The following NPAS3 variants were observed in gnomAD, a reference collection of about 807,000 sequenced individuals.
NPAS3 encodes neuronal PAS domain protein 3, also known as neuronal PAS domain-containing protein 3.
NPAS3 carries 14 observed loss-of-function variants against 73.1 expected under a neutral mutation model. The ratio of observed to expected loss-of-function variants is 0.19; its 90% CI spans 0.13 to 0.30. The LOEUF (loss-of-function observed/expected upper bound fraction) is 0.30, where lower values mean the gene tolerates loss of function less well. Among genes scored for constraint, NPAS3 ranks in the 10% least tolerant of loss-of-function variants. NPAS3 has a pLI of 1.00. For synonymous variants in NPAS3, 620 were observed against 541.5 expected (o/e 1.14, Z -2.01); for missense variants, 1,096 against 1,250.0 (o/e 0.88, Z 1.86).
Position 33,208,507 on chromosome 14 carries a change from A to G in NPAS3, c.141-6675A>G, listed in dbSNP as rs918519105. On this transcript the variant is annotated intron_variant, in intron 2 of 11. Transcript: ENST00000356141. ...TTTTGATCTATTTTACCACAAGTCA[A>G]ATGGGTCAGGATTATCCCATCAGAG... Among the ~76,000 whole-genome samples the G allele has an allele frequency of 1.4e-4, 21 of 152,202 alleles. 1 individual carries two copies. Among genetic ancestry groups the G allele is most frequent in the African/African-American group, 2.4e-5 (1 of 41,458 alleles).
At chr14:33,773,144 G>A (rs779636502) in intron 7 of NPAS3, among the ~76,000 whole-genome samples, 28 of 152,166 alleles carry the variant, frequency 1.8e-4, no homozygotes, top group Non-Finnish European at 3.4e-4. Flanking sequence ...GAGAGCAGAC[G>A]CGAGATCATA....
At chr14:33,230,942 T>C (rs2047828146) in intron 3 of NPAS3, among the ~76,000 whole-genome samples, 1 of 152,186 alleles carries the variant, frequency 6.6e-6, no homozygotes, top group African/African-American at 2.4e-5. Flanking sequence ...CAAACCGTGA[T>C]TGTGGGAAGT....
At chr14:33,029,458 G>A (rs186179253) in intron 1 of NPAS3, among the ~76,000 whole-genome samples, 8 of 152,220 alleles carry the variant, frequency 5.3e-5, no homozygotes, top group Non-Finnish European at 1.0e-4. Flanking sequence ...GAGAGCTCTT[G>A]AATCTCCAAA....
intron 9 of NPAS3, 126 bp downstream of exon 9, chr14:33,778,698 A>G (rs1322814803): frequency 7.8e-6 from 5 of 637,740 alleles, no homozygotes; most frequent in Admixed American, 5.1e-5. Flanking sequence ...GTCAGTGTGC[A>G]GTGAGAAAAA....
At chr14:33,157,293 A>T (rs140158041) in intron 2 of NPAS3, among the ~76,000 whole-genome samples, 2 of 152,356 alleles carry the variant, frequency 1.3e-5, no homozygotes, top group East Asian at 3.9e-4. Context: ...CTAAACACAG[A>T]ACTCTTCTTT....
chr14:33,750,948 G>T (rs150962718), intron 7 of NPAS3, among the ~76,000 whole-genome samples: 13 of 152,296 alleles, frequency 8.5e-5, no homozygotes, highest in African/African-American at 3.1e-4. Flanking sequence ...GCTCTTAAGG[G>T]ATAGGCTCAC....
chr14:33,470,004 A>G (rs78981209), intron 4 of NPAS3, among the ~76,000 whole-genome samples: 3,746 of 152,224 alleles, frequency 0.025, 78 homozygotes, highest in Middle Eastern at 0.061. Context: ...ACACTCCAAC[A>G]TATTTCTGCT....
intron 2 of NPAS3, among the ~76,000 whole-genome samples, chr14:33,158,438 G>A (rs764611535): frequency 6.6e-6 from 1 of 152,086 alleles, no homozygotes; most frequent in Non-Finnish European, 1.5e-5. Context: ...GAACATGAGC[G>A]ATTATGTCCC....
At chr14:33,711,226 A>C (rs1285573806) in intron 6 of NPAS3, among the ~76,000 whole-genome samples, 5 of 152,236 alleles carry the variant, frequency 3.3e-5, no homozygotes, top group African/African-American at 1.2e-4. Flanking sequence ...TTGTTTTAAT[A>C]TACAGAATGT....
intron 3 of NPAS3, among the ~76,000 whole-genome samples, chr14:33,240,251 T>A (rs1043484395): frequency 3.3e-5 from 5 of 151,892 alleles, no homozygotes; most frequent in Non-Finnish European, 5.9e-5. Flanking sequence ...CAGTGTACTC[T>A]GATCATTCAC....
intron 2 of NPAS3, among the ~76,000 whole-genome samples, chr14:33,168,006 C>G (rs1342965366): frequency 6.6e-6 from 1 of 152,212 alleles, no homozygotes; most frequent in Admixed American, 6.5e-5. Context: ...GTGGGTTGGA[C>G]AGCCTTCCCT....
At chr14:33,073,630 G>A (rs374511603) in intron 2 of NPAS3, among the ~76,000 whole-genome samples, 3 of 152,204 alleles carry the variant, frequency 2.0e-5, no homozygotes, top group South Asian at 2.1e-4. Context: ...AACAAGCCAC[G>A]TCTGTACATG....
At chr14:33,588,361 C>G (rs569455288) in intron 5 of NPAS3, among the ~76,000 whole-genome samples, 2 of 152,268 alleles carry the variant, frequency 1.3e-5, no homozygotes, top group East Asian at 3.9e-4. Context: ...CAGTCATATT[C>G]TGGGTTGGCA....
At chr14:33,263,168 G>A (rs2049036169) in intron 3 of NPAS3, among the ~76,000 whole-genome samples, 1 of 152,106 alleles carries the variant, frequency 6.6e-6, no homozygotes, top group Non-Finnish European at 1.5e-5. Context: ...CATTGCTTTT[G>A]GTGTTTTAGA....
At chr14:33,221,856 A>C (rs1404339180) in intron 3 of NPAS3, among the ~76,000 whole-genome samples, 1 of 152,136 alleles carries the variant, frequency 6.6e-6, no homozygotes, top group Non-Finnish European at 1.5e-5. Flanking sequence ...GTAAAAGTGT[A>C]ATAACTTTTC....
rs118100075 is a variant in NPAS3 at position 33,353,861 on chromosome 14, T to C, written c.386-13325T>C. 2.0e-5 allele frequency among the ~76,000 whole-genome samples: 3 copies of C among 152,214 alleles called. No homozygotes were observed. The East Asian group carries it at 5.8e-4, about 30-fold the overall frequency. On this transcript the variant is annotated intron_variant, in intron 3 of 11. Coordinates refer to ENST00000356141, the Ensembl canonical transcript of NPAS3. ...GGAACAATGATGGCTTGGGTTTAGA[T>C]ATATTCAGGCAGCTTTCCCTATCCG...
intron 4 of NPAS3, among the ~76,000 whole-genome samples, chr14:33,490,448 T>C (rs1280926766): frequency 1.3e-5 from 2 of 152,154 alleles, no homozygotes; most frequent in Non-Finnish European, 2.9e-5. Context: ...AGTGACATTG[T>C]AAGAGGGTTG....
chr14:33,786,292 T>C (rs1327801608), intron 9 of NPAS3, among the ~76,000 whole-genome samples: 2 of 152,240 alleles, frequency 1.3e-5, no homozygotes, highest in Non-Finnish European at 2.9e-5. Flanking sequence ...ACATAACAGA[T>C]GAACAAATGG....
chr14:33,333,794 A>G (rs1424695211), intron 3 of NPAS3, among the ~76,000 whole-genome samples: 1 of 152,216 alleles, frequency 6.6e-6, no homozygotes, highest in Non-Finnish European at 1.5e-5. Flanking sequence ...ACTTCTAACT[A>G]ATTCCCACTT....
Sources: allele counts gnomAD v4.1 joint callset (sites outside exome capture counted in the v4.1 genomes callset), GRCh38; gene constraint gnomAD v4.1.1; transcripts MANE v1.5; gene names NCBI Gene and HGNC (gene_info 2026-07-23, HGNC 2026-07-21).